The following ATRNL1 variants were observed in gnomAD, a reference collection of about 807,000 sequenced individuals.
ATRNL1 encodes attractin-like protein 1.
ATRNL1 carries 95 observed loss-of-function variants against 182.7 expected under a neutral mutation model. The observed-to-expected ratio is 0.52, with a 90% CI of 0.44 to 0.62. The LOEUF is 0.62. Among genes scored for constraint, ATRNL1 ranks in the 20% least tolerant of loss-of-function variants. The pLI, the probability that ATRNL1 is intolerant of heterozygous loss-of-function variation, is 0.00. For missense variants in ATRNL1, 1,471 were observed against 1,679.5 expected (o/e 0.88, Z 2.17); for synonymous variants, 576 against 568.3 (o/e 1.01, Z -0.19).
chr10:115,292,849 T>C (rs1353186630), intron 15 of ATRNL1, among the ~76,000 whole-genome samples: 1 of 152,178 alleles, frequency 6.6e-6, no homozygotes, highest in Non-Finnish European at 1.5e-5. Context: ...TACAGTGTTC[T>C]GTAAATGTCT....
intron 19 of ATRNL1, among the ~76,000 whole-genome samples, chr10:115,351,628 C>T (rs1203834047): frequency 6.6e-6 from 1 of 152,104 alleles, no homozygotes; most frequent in Non-Finnish European, 1.5e-5. Flanking sequence ...ATGAATCTTA[C>T]TTCATTACGA....
intron 28 of ATRNL1, among the ~76,000 whole-genome samples, chr10:115,906,804 A>G (rs551850799): frequency 9.2e-5 from 14 of 152,236 alleles, no homozygotes; most frequent in African/African-American, 3.4e-4. Flanking sequence ...AACTTCGTAA[A>G]TTTTGAACAA....
intron 28 of ATRNL1, among the ~76,000 whole-genome samples, chr10:115,915,393 A>G (rs1445954439): frequency 6.6e-6 from 1 of 151,732 alleles, no homozygotes; most frequent in East Asian, 1.9e-4. Context: ...GCGAGACTCC[A>G]TCTCAAAAAA....
At chr10:115,103,517 A>G (rs1271265375) in intron 1 of ATRNL1, among the ~76,000 whole-genome samples, 1 of 152,124 alleles carries the variant, frequency 6.6e-6, no homozygotes. Context: ...GTTACGTTAT[A>G]GGTGTATATA....
At chr10:115,755,311 A>G (rs1438918634) in intron 27 of ATRNL1, among the ~76,000 whole-genome samples, 1 of 152,196 alleles carries the variant, frequency 6.6e-6, no homozygotes, top group African/African-American at 2.4e-5. Flanking sequence ...TGGGTTTGTC[A>G]TAAACAGCTC....
chr10:115,362,923 A>G (rs61882267), intron 19 of ATRNL1, among the ~76,000 whole-genome samples: 1 of 150,472 alleles, frequency 6.6e-6, no homozygotes, highest in African/African-American at 2.4e-5. Flanking sequence ...TCTATCATTG[A>G]TGGACATTTG....
chr10:115,277,353 A>G (rs782611459), intron 13 of ATRNL1, among the ~76,000 whole-genome samples: 1 of 152,074 alleles, frequency 6.6e-6, no homozygotes, highest in Non-Finnish European at 1.5e-5. Flanking sequence ...AATAGAAATT[A>G]ACACCTTTGG....
chr10:115,647,888 G>T (rs182461687), intron 26 of ATRNL1, among the ~76,000 whole-genome samples: 1 of 152,132 alleles, frequency 6.6e-6, no homozygotes, highest in Non-Finnish European at 1.5e-5. Context: ...TGTCCTGAAG[G>T]GTATTGCCTA....
chr10:115,310,064 T>A (rs1236202990), intron 17 of ATRNL1, among the ~76,000 whole-genome samples: 3 of 152,124 alleles, frequency 2.0e-5, no homozygotes, highest in Non-Finnish European at 4.4e-5. Context: ...ATTATAAAGA[T>A]ATGCTGGATT....
intron 15 of ATRNL1, among the ~76,000 whole-genome samples, chr10:115,289,076 T>C (rs1852768208): frequency 1.3e-5 from 2 of 152,154 alleles, no homozygotes; most frequent in South Asian, 2.1e-4. Context: ...CTCAGAATCA[T>C]GGCAAAAGGC....
chr10:115,131,332 G>T (rs1234483036), intron 5 of ATRNL1, among the ~76,000 whole-genome samples: 1 of 152,024 alleles, frequency 6.6e-6, no homozygotes, highest in Non-Finnish European at 1.5e-5. Flanking sequence ...GCAGAAATAA[G>T]ACAATTTTAT....
intron 24 of ATRNL1, among the ~76,000 whole-genome samples, chr10:115,501,041 T>C (rs570330165): frequency 6.6e-6 from 1 of 150,436 alleles, no homozygotes; most frequent in African/African-American, 2.4e-5. Context: ...CAATTCTCCT[T>C]CCTGCCTTAG....
chr10:115,274,184 C>T (rs1043415052), intron 13 of ATRNL1, among the ~76,000 whole-genome samples: 1 of 152,198 alleles, frequency 6.6e-6, no homozygotes, highest in Non-Finnish European at 1.5e-5. Context: ...ACCATTGCAC[C>T]TGCAGGATCA....
At chr10:115,146,583 G>A (rs1393635485) in intron 5 of ATRNL1, among the ~76,000 whole-genome samples, 1 of 151,958 alleles carries the variant, frequency 6.6e-6, no homozygotes, top group African/African-American at 2.4e-5. Flanking sequence ...CTAACTATAT[G>A]TTTGTATCCA....
intron 15 of ATRNL1, among the ~76,000 whole-genome samples, chr10:115,292,992 C>A (rs904059517): frequency 6.6e-6 from 1 of 152,082 alleles, no homozygotes; most frequent in Non-Finnish European, 1.5e-5. Context: ...GCATATTTCT[C>A]TTTTTATATC....
intron 28 of ATRNL1, among the ~76,000 whole-genome samples, chr10:115,881,879 C>G (rs1157288488): frequency 6.6e-6 from 1 of 152,178 alleles, no homozygotes; most frequent in Admixed American, 6.5e-5. Flanking sequence ...AATAGCTTTG[C>G]CAACCCCACA....
chr10:115,682,682 A>ATGT (rs1946088119), intron 26 of ATRNL1, among the ~76,000 whole-genome samples: 1 of 152,048 alleles, frequency 6.6e-6, no homozygotes. Context: ...GATGATGATG[A>ATGT]TGATGATGAT....
chr10:115,633,429 A>G (rs1447862932), intron 26 of ATRNL1, among the ~76,000 whole-genome samples: 1 of 152,198 alleles, frequency 6.6e-6, no homozygotes, highest in African/African-American at 2.4e-5. Flanking sequence ...TTTGGTCTAT[A>G]GATTTACACT....
chr10:115,778,699 G>C (rs1949189997), intron 27 of ATRNL1, among the ~76,000 whole-genome samples: 1 of 152,154 alleles, frequency 6.6e-6, no homozygotes. Flanking sequence ...TTATTCTGTT[G>C]GCAACAGGAA....
Sources: gnomAD v4.1 joint callset for allele counts (sites outside exome capture counted in the v4.1 genomes callset) on GRCh38, gnomAD v4.1.1 for gene constraint, MANE v1.5 for transcripts, NCBI Gene and HGNC (gene_info 2026-07-23, HGNC 2026-07-21) for gene names.